The following COQ10A variants were observed in gnomAD, a reference collection of about 807,000 sequenced individuals.
COQ10A encodes the protein coenzyme Q10A, also known as coenzyme Q-binding protein COQ10 homolog A, mitochondrial.
COQ10A carries 25 observed loss-of-function variants against 26.1 expected under a neutral mutation model. The observed-to-expected ratio is 0.96, with a 90% CI of 0.70 to 1.34. COQ10A has a LOEUF of 1.34. Ranked by LOEUF, COQ10A falls within the 40% of genes most tolerant of loss-of-function variation. The pLI is 0.00. For synonymous variants in COQ10A, 132 were observed against 124.0 expected (o/e 1.06, Z -0.43); for missense variants, 312 against 335.4 (o/e 0.93, Z 0.54).
At position 56,270,538 on chromosome 12, in the gene COQ10A, C is replaced by T; in HGVS notation, c.*221C>T. On this transcript the variant is annotated 3_prime_UTR_variant, in exon 5 of 5. Coordinates refer to ENST00000308197, the MANE Select transcript of COQ10A (RefSeq NM_144576.4). The stretch of plus-strand genomic sequence containing the variant: ...AGATGTGCTTAGGAAAGGGTCAGGC[C>T]CATCGTAGGAGCACCATATGCCTGC... 3.7e-6 allele frequency: 2 copies of T among 537,574 alleles called. No individual in the cohort carries two copies. The highest frequency in any genetic ancestry group is 3.2e-5 in the East Asian group (1 of 31,582). 33.3% of individuals were successfully genotyped at this position (537,574 alleles called of 1,614,324 possible).
rs565101380 is a variant in COQ10A, at chr12:56,270,519, G to A, written c.*202G>A. On this transcript the variant is annotated 3_prime_UTR_variant, in exon 5 of 5. Coordinates refer to ENST00000308197, the MANE Select transcript of COQ10A (RefSeq NM_144576.4). ...GGCAAAGGATGTGGAAATGAGATGT[G>A]CTTAGGAAAGGGTCAGGCCCATCGT... The A allele has an allele frequency of 1.7e-6, 1 of 595,294 alleles. No individual in the cohort carries two copies. Among genetic ancestry groups the A allele is most frequent in the African/African-American group, 1.9e-5 (1 of 53,752 alleles). 36.9% of individuals were successfully genotyped at this position (595,294 alleles called of 1,614,324 possible). A position where few individuals can be genotyped will look rare whatever the true frequency, so the allele number is the denominator to read the frequency against.
rs1872474197 is a variant in COQ10A at position 56,270,210 on chromosome 12, G to A, written c.637G>A (p.Val213Ile). The A allele has an allele frequency of 6.2e-7, 1 of 1,613,480 alleles. No individual in the cohort carries two copies. The highest frequency in any genetic ancestry group is 8.5e-7 in the Non-Finnish European group (1 of 1,179,854). The stretch of plus-strand genomic sequence containing the variant: ...GCTGGCCACCATGTTTTTTGATGAG[G>A]TTGTCAAACAGAATGTTGCTGCCTT... ...SQLATMFFDE[V>I]VKQNVAAFER... Residue 213 changes from valine to isoleucine, a missense_variant, in exon 5 of 5, where the codon GTT becomes ATT. Val to Ile is a conservative substitution (Grantham distance 29, BLOSUM62 3). Transcript: ENST00000308197.
At chr12:56,269,393 T>G (rs532893658) in intron 3 of COQ10A, 67 bp from the exon 4 acceptor site, 34 of 1,478,524 alleles carry the variant, frequency 2.3e-5, no homozygotes, top group Non-Finnish European at 3.0e-5. Context: ...GAAAATGGCT[T>G]TCAATTCCTT....
chr12:56,270,423 A>G lies in COQ10A; in HGVS notation c.*106A>G, dbSNP rs776810135. ...CAATTTGAAAGGAGTCTGTGTTCAT[A>G]ATACTGTTTCTCCTCTCAATTTCCC... On this transcript the variant is annotated 3_prime_UTR_variant, in exon 5 of 5. Coordinates refer to ENST00000308197, the MANE Select transcript of COQ10A (RefSeq NM_144576.4). 1.5e-5 allele frequency: 18 copies of G among 1,194,682 alleles called. No individual in the cohort carries two copies. The highest frequency in any genetic ancestry group is 1.9e-5 in the Non-Finnish European group (16 of 848,734). The allele number at this position is 1,194,682 out of a possible 1,614,324, so 74.0% of individuals were successfully genotyped here. A position where few individuals can be genotyped will look rare whatever the true frequency, so the allele number is the denominator to read the frequency against.
rs781249154 is a variant in COQ10A at position 56,267,754 on chromosome 12, G to A, written c.135-40G>A. The stretch of plus-strand genomic sequence containing the variant: ...TCACCTACAAATGATAGAGGATTAC[G>A]AAGAACTATACGGTTGGCTCCTCTT... On this transcript the variant is annotated intron_variant, in intron 1 of 4. Coordinates refer to ENST00000308197, the MANE Select transcript of COQ10A (RefSeq NM_144576.4). The A allele has an allele frequency of 4.3e-6, 7 of 1,613,470 alleles. No homozygotes were observed. In the African/African-American group the frequency reaches 8.0e-5, roughly 18 times the overall value.
chr12:56,269,357 G>T, intron 3 of COQ10A, 103 bp from the exon 4 acceptor site: 3 of 1,449,312 alleles, frequency 2.1e-6, no homozygotes, highest in South Asian at 1.2e-5. Context: ...CATGTGTCAA[G>T]TATTTCCCTC....
chr12:56,267,662 C>CTGCA (rs1565616668), intron 1 of COQ10A, 132 bp from the exon 2 acceptor site: 4 of 1,320,006 alleles, frequency 3.0e-6, no homozygotes, highest in Non-Finnish European at 4.4e-6. Context: ...GCCTAGCGGG[C>CTGCA]TGCAGCAGGT....
chr12:56,268,128 T>A, intron 2 of COQ10A, 188 bp downstream of exon 2: 1 of 730,594 alleles, frequency 1.4e-6, no homozygotes, highest in East Asian at 2.7e-5. Context: ...TCTTGGTTGC[T>A]GTGCATGTGC....
chr12:56,268,571 C>A (rs562119034), intron 2 of COQ10A: 23 of 159,968 alleles, frequency 1.4e-4, no homozygotes, highest in Admixed American at 4.7e-4. Context: ...AGCAGCGTAA[C>A]CTTTTTAGTA....
intron 2 of COQ10A, chr12:56,268,746 T>C: frequency 4.0e-6 from 1 of 248,594 alleles, no homozygotes; most frequent in Non-Finnish European, 7.8e-6. Context: ...TGTTAAAAAA[T>C]TGTTAAGAGC....
intron 3 of COQ10A, 103 bp downstream of exon 3, chr12:56,269,354 C>T (rs1426237695): frequency 6.9e-7 from 1 of 1,447,802 alleles, no homozygotes; most frequent in Non-Finnish European, 9.7e-7. Context: ...GTCCATGTGT[C>T]AAGTATTTCC....
chr12:56,268,459 C>A (rs940489326), intron 2 of COQ10A: 5 of 163,160 alleles, frequency 3.1e-5, no homozygotes, highest in African/African-American at 1.2e-4. Context: ...CCAGCCTGGG[C>A]GACAGAGCAA....
Position 56,267,270 on chromosome 12 carries a change from G to A in COQ10A, c.134+18G>A. On this transcript the variant is annotated intron_variant, in intron 1 of 4. Coordinates refer to ENST00000308197, the MANE Select transcript of COQ10A (RefSeq NM_144576.4). ...CCAATGAGGTGAGAGGGAGGTGACC[G>A]CGGCTGAGGGCAGGGGGTCGCTGCG... 3 of 1,566,812 alleles carry A rather than the reference G, an allele frequency of 1.9e-6. No homozygotes were observed. Among genetic ancestry groups the A allele is most frequent in the Non-Finnish European group, 2.6e-6 (3 of 1,153,962 alleles).
chr12:56,269,994 G>A (rs1386671721), intron 4 of COQ10A, 156 bp from the exon 5 acceptor site: 6 of 699,186 alleles, frequency 8.6e-6, no homozygotes, highest in Middle Eastern at 3.5e-4. Flanking sequence ...TGTCAGACTC[G>A]TACTCCGTGC....
In COQ10A at chr12:56,266,991, C is replaced by T; in HGVS notation, c.-128C>T. ...GACGGGAGCAAGGCGAGAGGTGCTG[C>T]CGCCTCCCGTCGCCCCTGCGCTCAG... On this transcript the variant is annotated 5_prime_UTR_variant, in exon 1 of 5. Coordinates refer to ENST00000308197, the MANE Select transcript of COQ10A (RefSeq NM_144576.4). 1 of 986,876 alleles carries T rather than the reference C, an allele frequency of 1.0e-6. No homozygotes were observed. The highest frequency in any genetic ancestry group is 1.3e-6 in the Non-Finnish European group (1 of 777,054). 61.1% of individuals were successfully genotyped at this position (986,876 alleles called of 1,614,324 possible).
In COQ10A at chr12:56,267,825, C is replaced by T. The variant is rs562205405; in HGVS notation, c.166C>T (p.Arg56Trp). 10 of 1,614,204 alleles carry T rather than the reference C, an allele frequency of 6.2e-6. No individual in the cohort carries two copies. Among genetic ancestry groups the T allele is most frequent in the South Asian group, 1.1e-5 (1 of 91,082 alleles). ...GACCTCCTGCAGCCTCCTCTTGCCT[C>T]GGGCTGCCCAGATCTTGGCGGCTGA... ...FLTSCSLLLP[R>W]AAQILAAEAG... The change falls in exon 2 of 5, where the codon CGG becomes TGG. Residue 56 changes from arginine to tryptophan, a missense_variant. Arg to Trp is a moderately radical substitution (Grantham distance 101). Coordinates refer to ENST00000308197, the MANE Select transcript of COQ10A (RefSeq NM_144576.4).
At chr12:56,268,859 T>C in intron 2 of COQ10A, 200 bp from the exon 3 acceptor site, 3 of 552,052 alleles carry the variant, frequency 5.4e-6, no homozygotes. Context: ...AAAAGCATTC[T>C]GTAAACTGCA....
intron 4 of COQ10A, chr12:56,269,903 A>G: frequency 1.8e-6 from 1 of 546,492 alleles, no homozygotes; most frequent in Non-Finnish European, 3.3e-6. Flanking sequence ...CTGGGATTAC[A>G]GGCGTGAGCC....
At chr12:56,269,790 A>AC in intron 4 of COQ10A, 1 of 532,696 alleles carries the variant, frequency 1.9e-6, no homozygotes, top group Non-Finnish European at 3.4e-6. Context: ...ACCAAGCCCG[A>AC]CTGATTTTTT....
Sources: gnomAD v4.1 joint callset for allele counts on GRCh38, gnomAD v4.1.1 for gene constraint, MANE v1.5 for transcripts, NCBI Gene and HGNC (gene_info 2026-07-23, HGNC 2026-07-21) for gene names.